The following KIRREL3 variants were observed in gnomAD, a reference collection of about 807,000 sequenced individuals.
KIRREL3 encodes the protein kirre like nephrin family adhesion molecule 3.
Under a neutral mutation model 89.7 loss-of-function variants are expected in KIRREL3, and 36 were observed. The ratio of observed to expected loss-of-function variants is 0.40; its 90% confidence interval spans 0.31 to 0.53. The LOEUF (loss-of-function observed/expected upper bound fraction) is 0.53, where lower values mean the gene tolerates loss of function less well. Ranked by LOEUF, KIRREL3 falls within the 20% of genes least tolerant of loss-of-function variation. The pLI is 0.49. For missense variants in KIRREL3, 864 were observed against 1,056.6 expected, an observed-to-expected ratio of 0.82 and a Z score of 2.53; for synonymous variants, 445 against 441.4, an observed-to-expected ratio of 1.01 and a Z score of -0.10.
At chr11:126,518,107 T>C (rs1357251770) in intron 4 of KIRREL3, among the ~76,000 whole-genome samples, 1 of 152,220 alleles carries the variant, frequency 6.6e-6, no homozygotes, top group Non-Finnish European at 1.5e-5. Context: ...TCCCTCCTCA[T>C]TTCCTGGCTC....
At chr11:126,538,203 G>A (rs551600008) in intron 2 of KIRREL3, among the ~76,000 whole-genome samples, 1 of 152,380 alleles carries the variant, frequency 6.6e-6, no homozygotes, top group South Asian at 2.1e-4. Flanking sequence ...GCCTCCTGGA[G>A]TGTTGTGTCA....
At chr11:126,979,173 C>T (rs574428376) in intron 1 of KIRREL3, among the ~76,000 whole-genome samples, 1 of 152,304 alleles carries the variant, frequency 6.6e-6, no homozygotes, top group Middle Eastern at 3.4e-3. Context: ...ATTGTCAATG[C>T]TCCACAGACC....
At chr11:126,707,702 C>A (rs1947588801) in intron 1 of KIRREL3, among the ~76,000 whole-genome samples, 1 of 152,190 alleles carries the variant, frequency 6.6e-6, no homozygotes, top group East Asian at 1.9e-4. Context: ...TCATCTAACT[C>A]ATTCTATTCC....
chr11:126,657,948 C>T (rs1945229643), intron 1 of KIRREL3, among the ~76,000 whole-genome samples: 1 of 152,168 alleles, frequency 6.6e-6, no homozygotes, highest in Non-Finnish European at 1.5e-5. Context: ...ATGACCAGTC[C>T]ACAGAGCTCT....
rs571304477 is a variant in KIRREL3 at position 126,606,054 on chromosome 11, T to A, written c.56-43142A>T. ...ACCACTCATTATCTCTGTAACTAAG[T>A]CAATTATTCAATCTCCCTGAGCCTC... On this transcript the variant is annotated intron_variant, in intron 1 of 16. Coordinates refer to ENST00000525144, the MANE Select transcript of KIRREL3 (RefSeq NM_032531.4). The surrounding 1 kb of genome is among the most constrained non-coding windows in gnomAD (Gnocchi z 4.6). Among the ~76,000 whole-genome samples the A allele has an allele frequency of 7.9e-5, 12 of 152,246 alleles. 1 individual carries two copies. In the South Asian group the frequency reaches 1.0e-3, roughly 13 times the overall value.
In KIRREL3 at chr11:126,668,244, C is replaced by A. The variant is rs1297332990; in HGVS notation, c.56-105332G>T. Among the ~76,000 whole-genome samples the A allele has an allele frequency of 1.3e-5, 2 of 152,164 alleles. No individual in the cohort carries two copies. The highest frequency in any genetic ancestry group is 4.8e-5 in the African/African-American group (2 of 41,438). On this transcript the variant is annotated intron_variant, in intron 1 of 16. Transcript: ENST00000525144. This position sits in a 1 kb window ranked among gnomAD's most constrained non-coding sequence, Gnocchi z 4.4. ...GCAGTGCCTTCTCTCTGTGTCCTTA[C>A]ATCGTGGAAGGGACAAGAGGCCTTT...
At position 126,965,707 on chromosome 11, in the gene KIRREL3, C is replaced by T. The variant is rs1949247067; in HGVS notation, c.55+34748G>A. ...AAAGAAGATCAATAAATATTATTTC[C>T]TTCTGACTTTGGAGTGCGTTATTTT... On this transcript the variant is annotated intron_variant, in intron 1 of 16. Coordinates refer to ENST00000525144, the MANE Select transcript of KIRREL3 (RefSeq NM_032531.4). The surrounding 1 kb of genome is among the most constrained non-coding windows in gnomAD (Gnocchi z 4.4). Among the ~76,000 whole-genome samples, 1 of 152,132 alleles carries T rather than the reference C, an allele frequency of 6.6e-6. No individual in the cohort carries two copies. Among genetic ancestry groups the T allele is most frequent in the Admixed American group, 6.6e-5 (1 of 15,264 alleles).
rs1010148760 is a variant in KIRREL3 at position 126,811,338 on chromosome 11, T to C, written c.55+189117A>G. Among the ~76,000 whole-genome samples, 1 of 152,338 alleles carries C rather than the reference T, an allele frequency of 6.6e-6. No homozygotes were observed. Among genetic ancestry groups the C allele is most frequent in the Non-Finnish European group, 1.5e-5 (1 of 68,028 alleles). On this transcript the variant is annotated intron_variant, in intron 1 of 16. Transcript: ENST00000525144. This position sits in a 1 kb window ranked among gnomAD's most constrained non-coding sequence, Gnocchi z 4.3. ...GACTGTTATGGAGCTACGAGGTCCTTGTCTGAATTCTCCGTGTGGTTGCTG... is the reference window on the plus strand; with the variant it reads ...GACTGTTATGGAGCTACGAGGTCCTCGTCTGAATTCTCCGTGTGGTTGCTG...
chr11:126,949,113 T>G (rs1234244233), intron 1 of KIRREL3, among the ~76,000 whole-genome samples: 2 of 152,262 alleles, frequency 1.3e-5, no homozygotes, highest in Admixed American at 6.5e-5. Flanking sequence ...TACAGTTATT[T>G]ATTCATTCAT....
At position 126,443,486 on chromosome 11, in the gene KIRREL3, G is replaced by A. The variant is rs1185618090; in HGVS notation, c.1252+1493C>T. On this transcript the variant is annotated intron_variant, in intron 10 of 16. Transcript: ENST00000525144. The surrounding 1 kb of genome is among the most constrained non-coding windows in gnomAD (Gnocchi z 7.3). ...CTGGGGACACTCAGGAAAGGCAGGA[G>A]GGCTCCGACTCAGGGCTCTGCCAGG... Among the ~76,000 whole-genome samples the A allele has an allele frequency of 6.6e-6, 1 of 152,186 alleles. No homozygotes were observed. Among genetic ancestry groups the A allele is most frequent in the East Asian group, 1.9e-4 (1 of 5,192 alleles).
chr11:126,795,664 G>T lies in KIRREL3; in HGVS notation c.55+204791C>A, dbSNP rs2134373024. The stretch of plus-strand genomic sequence containing the variant: ...CTCCCCAAGTGCCAGGATTACAGGA[G>T]TGAGCCACTGTGCCTGGCCAGAAAT... On this transcript the variant is annotated intron_variant, in intron 1 of 16. Coordinates refer to ENST00000525144, the MANE Select transcript of KIRREL3 (RefSeq NM_032531.4). The surrounding 1 kb of genome is among the most constrained non-coding windows in gnomAD (Gnocchi z 4.1). Among the ~76,000 whole-genome samples, 1 of 152,316 alleles carries T rather than the reference G, an allele frequency of 6.6e-6. No homozygotes were observed. The highest frequency in any genetic ancestry group is 1.5e-5 in the Non-Finnish European group (1 of 68,030).
At chr11:126,626,940 C>T (rs1402394812) in intron 1 of KIRREL3, among the ~76,000 whole-genome samples, 2 of 150,934 alleles carry the variant, frequency 1.3e-5, no homozygotes, top group South Asian at 4.2e-4. Flanking sequence ...CCCAGTGGGG[C>T]GGAGGTTGCA....
At position 126,693,607 on chromosome 11, in the gene KIRREL3, CCA is replaced by C. The variant is rs34918602; in HGVS notation, c.56-130697_56-130696del. Among the ~76,000 whole-genome samples the C allele has an allele frequency of 9.3e-4, 139 of 149,938 alleles. 2 individuals are homozygous for C. Among genetic ancestry groups the C allele is most frequent in the Middle Eastern group, 3.4e-3 (1 of 292 alleles). On this transcript the variant is annotated intron_variant, in intron 1 of 16. Transcript: ENST00000525144. ...TGCACATGCATGTGAGTGCCTGTGA[CCA>C]CACACACACACACACACACACACCC...
At position 126,877,501 on chromosome 11, in the gene KIRREL3, A is replaced by G. The variant is rs1051743059; in HGVS notation, c.55+122954T>C. ...CTCCACTCACTCACTTCCCTCCCCAACTTCCCATCCACACCTATATGGACA... is the reference window on the plus strand; with the variant it reads ...CTCCACTCACTCACTTCCCTCCCCAGCTTCCCATCCACACCTATATGGACA... On this transcript the variant is annotated intron_variant, in intron 1 of 16. Coordinates refer to ENST00000525144, the MANE Select transcript of KIRREL3 (RefSeq NM_032531.4). This position sits in a 1 kb window ranked among gnomAD's most constrained non-coding sequence, Gnocchi z 4.9. Among the ~76,000 whole-genome samples the G allele has an allele frequency of 2.0e-5, 3 of 152,178 alleles. No homozygotes were observed. The highest frequency in any genetic ancestry group is 4.1e-4 in the South Asian group (2 of 4,826).
At chr11:126,949,171 G>T (rs1311235319) in intron 1 of KIRREL3, among the ~76,000 whole-genome samples, 1 of 152,176 alleles carries the variant, frequency 6.6e-6, no homozygotes, top group East Asian at 1.9e-4. Flanking sequence ...CTACAGGTAT[G>T]ATTTCTGGTG....
rs1265565364 is a variant in KIRREL3 at position 126,563,381 on chromosome 11, A to C, written c.56-469T>G. 6.6e-6 allele frequency among the ~76,000 whole-genome samples: 1 copy of C among 152,198 alleles called. No individual in the cohort carries two copies. Among genetic ancestry groups the C allele is most frequent in the African/African-American group, 2.4e-5 (1 of 41,456 alleles). On this transcript the variant is annotated intron_variant, in intron 1 of 16. Transcript: ENST00000525144. The surrounding 1 kb of genome is among the most constrained non-coding windows in gnomAD (Gnocchi z 6.8). ...AGTCGTGTCTAGGATGGAACAGTGC[A>C]ACCAGACATGGTGGGTGACTCAGGA... is the stretch of plus-strand genomic sequence containing the variant.
intron 1 of KIRREL3, among the ~76,000 whole-genome samples, chr11:126,998,916 AGT>A (rs10561880): frequency 0.49 from 69,076 of 140,644 alleles, 17,321 homozygotes; most frequent in Non-Finnish European, 0.57. Flanking sequence ...GACGAATGGG[AGT>A]GTGTGTGTGT....
chr11:126,425,106 CTTAT>C, intron 16 of KIRREL3, 83 bp from the exon 17 acceptor site: 1 of 1,299,938 alleles, frequency 7.7e-7, no homozygotes, highest in Non-Finnish European at 1.0e-6. Context: ...AGCCCGTCCC[CTTAT>C]GCGGGGAGGG....
rs1943601173 is a variant in KIRREL3 at position 126,622,187 on chromosome 11, T to C, written c.56-59275A>G. On this transcript the variant is annotated intron_variant, in intron 1 of 16. Transcript: ENST00000525144. The surrounding 1 kb of genome is among the most constrained non-coding windows in gnomAD (Gnocchi z 5.2). ...TACAAGGTGTTTTACATACAGTAAT[T>C]GTTCACTTGCTAAATCAGCCAGTAG... Among the ~76,000 whole-genome samples the C allele has an allele frequency of 6.6e-6, 1 of 152,268 alleles. No homozygotes were observed.
Sources: gnomAD v4.1 joint callset for allele counts (sites outside exome capture counted in the v4.1 genomes callset) on GRCh38, gnomAD v4.1.1 for gene constraint, Gnocchi (gnomAD v3.1) non-coding constraint, MANE v1.5 for transcripts, NCBI Gene and HGNC (gene_info 2026-07-23, HGNC 2026-07-21) for gene names.